The following MCM8 variants were observed in gnomAD, a reference collection of about 807,000 sequenced individuals.
The protein encoded by MCM8 is DNA helicase MCM8.
MCM8 carries 85 observed loss-of-function variants against 98.9 expected under a neutral mutation model. The ratio of observed to expected loss-of-function variants is 0.86; its 90% CI spans 0.72 to 1.03. The LOEUF is 1.03. MCM8 is among the 50% of genes least tolerant of loss of function. The pLI, the probability that MCM8 is intolerant of heterozygous loss-of-function variation, is 0.00. For synonymous variants in MCM8, 352 were observed against 338.6 expected (o/e 1.04, Z -0.44); for missense variants, 951 against 997.8 (o/e 0.95, Z 0.63).
In MCM8 at chr20:5,962,398, C is replaced by T. The variant is rs1186551029; in HGVS notation, c.790-876C>T. On this transcript the variant is annotated intron_variant, in intron 7 of 18. Coordinates refer to ENST00000610722, the MANE Select transcript of MCM8 (RefSeq NM_032485.6). ...TTTTTTTTTTTTTGAGACGGAGTCT[C>T]GCTCTGTCGCCCAGGCCGGACTGCG... Among the ~76,000 whole-genome samples the T allele has an allele frequency of 1.0e-4, 5 of 49,736 alleles. 1 individual carries two copies. The highest frequency in any genetic ancestry group is 1.7e-3 in the South Asian group (2 of 1,212). 32.6% of individuals were successfully genotyped at this position (49,736 alleles called of 152,430 possible).
At position 5,994,655 on chromosome 20, in the gene MCM8, T is replaced by C; in HGVS notation, c.*264T>C. The stretch of plus-strand genomic sequence containing the variant: ...TAGCTCACACTGTAATCACAGTGAC[T>C]CAGGAGGCTGAGGTGAGAGGATTCC... On this transcript the variant is annotated 3_prime_UTR_variant, in exon 19 of 19. Coordinates refer to ENST00000610722, the MANE Select transcript of MCM8 (RefSeq NM_032485.6). 2.0e-6 allele frequency: 1 copy of C among 488,048 alleles called. No homozygotes were observed. Among genetic ancestry groups the C allele is most frequent in the Non-Finnish European group, 3.8e-6 (1 of 261,820 alleles). The allele number at this position is 488,048 out of a possible 1,614,324, so 30.2% of individuals were successfully genotyped here. A position where few individuals can be genotyped will look rare whatever the true frequency, so the allele number is the denominator to read the frequency against.
chr20:5,975,795 CTT>C (rs555500729), intron 12 of MCM8, among the ~76,000 whole-genome samples: 1 of 141,844 alleles, frequency 7.1e-6, no homozygotes, highest in African/African-American at 2.6e-5. Flanking sequence ...CACGCCTGGC[CTT>C]TTTTTTTTTT....
chr20:5,963,379 C>T lies in MCM8; in HGVS notation c.875+20C>T. 1 of 1,587,950 alleles carries T rather than the reference C, an allele frequency of 6.3e-7. No individual in the cohort carries two copies. The highest frequency in any genetic ancestry group is 8.6e-7 in the Non-Finnish European group (1 of 1,156,784). ...AATCAAGTAAGCGATCAGACTGTTA[C>T]ATAAAAGGCAGGCTTTAGATGTCAC... On this transcript the variant is annotated intron_variant, in intron 8 of 18. Coordinates refer to ENST00000610722, the MANE Select transcript of MCM8 (RefSeq NM_032485.6).
chr20:5,971,910 T>C, intron 10 of MCM8, 97 bp from the exon 11 acceptor site: 1 of 967,892 alleles, frequency 1.0e-6, no homozygotes, highest in African/African-American at 1.7e-5. Context: ...CATTTGTCTT[T>C]GTTGATATTA....
rs371132449 is a variant in MCM8, at chr20:5,960,884, G to A, written c.789+2158G>A. ...CAAGAGGCAGAGGTTGCAGTGAGCC[G>A]AGATCACGCCATTGCACTCCAGCTT... On this transcript the variant is annotated intron_variant, in intron 7 of 18. Transcript: ENST00000610722. 7.2e-5 allele frequency among the ~76,000 whole-genome samples: 11 copies of A among 152,314 alleles called. No homozygotes were observed. In the East Asian group the frequency reaches 7.7e-4, roughly 11 times the overall value.
chr20:5,958,521 T>G lies in MCM8; in HGVS notation c.591-7T>G. The G allele has an allele frequency of 6.2e-7, 1 of 1,611,240 alleles. No homozygotes were observed. Among genetic ancestry groups the G allele is most frequent in the Non-Finnish European group, 8.5e-7 (1 of 1,178,250 alleles). ...TTTCTGTTCATTACTTCCTGTTTTG[T>G]CTTTAGGGTGTACAACTATGAGCCT... On this transcript the variant is annotated splice_polypyrimidine_tract_variant and splice_region_variant and intron_variant, in intron 6 of 18. Coordinates refer to ENST00000610722, the MANE Select transcript of MCM8 (RefSeq NM_032485.6).
At position 5,998,337 on chromosome 20, in the gene MCM8, A is replaced by G. The variant is rs2089983892; in HGVS notation, c.*3946A>G. On this transcript the variant is annotated 3_prime_UTR_variant, in exon 19 of 19. Transcript: ENST00000610722. ...GATTTCCAGATGTGAATTGGGTTCC[A>G]CTGATCAGACACCCATGTGTGAGAT... is the stretch of plus-strand genomic sequence containing the variant. 1 of 152,196 alleles carries G rather than the reference A, an allele frequency of 6.6e-6. No homozygotes were observed. Among genetic ancestry groups the G allele is most frequent in the Non-Finnish European group, 1.5e-5 (1 of 68,036 alleles). 9.4% of individuals were successfully genotyped at this position (152,196 alleles called of 1,614,324 possible). A position where few individuals can be genotyped will look rare whatever the true frequency, so the allele number is the denominator to read the frequency against.
intron 7 of MCM8, 109 bp from the exon 8 acceptor site, chr20:5,963,165 T>G: frequency 2.5e-6 from 2 of 815,180 alleles, no homozygotes; most frequent in Non-Finnish European, 4.1e-6. Context: ...ACTAGCATCC[T>G]GAGACCAACT....
At chr20:5,965,286 G>C (rs1411537937) in intron 8 of MCM8, 1 of 152,192 alleles carries the variant, frequency 6.6e-6, no homozygotes. Context: ...GCTGGAACTG[G>C]CTGGACAGTT....
chr20:5,992,846 T>C (rs1432975286), intron 17 of MCM8, among the ~76,000 whole-genome samples: 1 of 152,228 alleles, frequency 6.6e-6, no homozygotes, highest in Non-Finnish European at 1.5e-5. Context: ...CTGTGAAATA[T>C]AGCTATCCCA....
intron 10 of MCM8, among the ~76,000 whole-genome samples, chr20:5,968,498 C>T (rs1600267005): frequency 1.3e-5 from 2 of 151,974 alleles, no homozygotes; most frequent in African/African-American, 4.8e-5. Flanking sequence ...GAGCCAAGAT[C>T]GTGCCATTGC....
rs1382290917 is a variant in MCM8, at chr20:5,972,040, A to C, written c.1254+3A>C. On this transcript the variant is annotated splice_donor_region_variant and intron_variant, in intron 11 of 18. Transcript: ENST00000610722. ...GCCCTGTCATTTTTGGTCATGAAGT[A>C]AGTATTTTACTTCATCTTTACTCAA... The C allele has an allele frequency of 1.2e-6, 2 of 1,609,184 alleles. No individual in the cohort carries two copies. The highest frequency in any genetic ancestry group is 3.3e-5 in the Admixed American group (2 of 59,728).
chr20:5,961,311 C>T (rs563134369), intron 7 of MCM8, among the ~76,000 whole-genome samples: 3 of 152,256 alleles, frequency 2.0e-5, no homozygotes, highest in South Asian at 4.1e-4. Flanking sequence ...ATAATGTTTC[C>T]TCGGTGGTAC....
chr20:5,998,082 T>C lies in MCM8; in HGVS notation c.*3691T>C, dbSNP rs953067710. 1 of 152,236 alleles carries C rather than the reference T, an allele frequency of 6.6e-6. No individual in the cohort carries two copies. The highest frequency in any genetic ancestry group is 1.5e-5 in the Non-Finnish European group (1 of 68,048). The allele number at this position is 152,236 out of a possible 1,614,324, so 9.4% of individuals were successfully genotyped here. ...ACTTACATTAGCATGTTATAGTTGCTGTTGTTATACAGAAGAATATTAAAC... is the reference window on the plus strand; with the variant it reads ...ACTTACATTAGCATGTTATAGTTGCCGTTGTTATACAGAAGAATATTAAAC... On this transcript the variant is annotated 3_prime_UTR_variant, in exon 19 of 19. Transcript: ENST00000610722.
At chr20:5,956,413 T>G (rs986382703) in intron 5 of MCM8, among the ~76,000 whole-genome samples, 3 of 152,186 alleles carry the variant, frequency 2.0e-5, no homozygotes, top group African/African-American at 4.8e-5. Flanking sequence ...TATTAAATGT[T>G]TGTTTGTTGT....
chr20:5,986,606 T>G (rs1389996213), intron 16 of MCM8, among the ~76,000 whole-genome samples: 1 of 152,190 alleles, frequency 6.6e-6, no homozygotes, highest in Admixed American at 6.5e-5. Flanking sequence ...TAGCTCAGAG[T>G]TTGGGCTTTT....
At chr20:5,953,346 A>G (rs2088881360) in intron 3 of MCM8, among the ~76,000 whole-genome samples, 1 of 152,124 alleles carries the variant, frequency 6.6e-6, no homozygotes. Context: ...ATAATTAGGA[A>G]TACCAATTAA....
chr20:5,978,099 G>A (rs1600286130), intron 13 of MCM8, 82 bp downstream of exon 13: 1 of 1,521,042 alleles, frequency 6.6e-7, no homozygotes, highest in East Asian at 2.3e-5. Context: ...TTTACATTCT[G>A]TTTAAGAGAA....
intron 1 of MCM8, 23 bp from the exon 2 acceptor site, chr20:5,951,988 C>T: frequency 6.3e-7 from 1 of 1,591,252 alleles, no homozygotes; most frequent in Non-Finnish European, 8.5e-7. Flanking sequence ...TTGGTGAAGA[C>T]CTTTTTAATA....
Sources: allele counts gnomAD v4.1 joint callset (sites outside exome capture counted in the v4.1 genomes callset), GRCh38; gene constraint gnomAD v4.1.1; transcripts MANE v1.5; gene names NCBI Gene and HGNC (gene_info 2026-07-23, HGNC 2026-07-21).